The following GMPR variants were observed in gnomAD, a reference collection of about 807,000 sequenced individuals.
GMPR encodes guanosine monophosphate reductase.
In GMPR, 31 loss-of-function variants were observed where a neutral mutation model predicts 38.4. That is an observed-to-expected ratio of 0.81 (90% CI 0.61 to 1.09). The LOEUF is 1.09. Ranked by LOEUF, GMPR falls within the 50% of genes least tolerant of loss-of-function variation. The probability of loss-of-function intolerance (pLI) is 0.00; values close to 1 mark genes in which losing one functional copy is unlikely to be tolerated. For missense variants in GMPR, 468 were observed against 453.7 expected (o/e 1.03, Z -0.29); for synonymous variants, 162 against 173.3 (o/e 0.93, Z 0.51).
rs772088740 is a variant in GMPR, at chr6:16,290,633, A to ACC, written c.857+15_857+16dup. On this transcript the variant is annotated intron_variant, in intron 8 of 8. Coordinates refer to ENST00000259727, the MANE Select transcript of GMPR (RefSeq NM_006877.4). ...GTTGCTGAGTACAGGTGAGGAGGTG[A>ACC]CCCCGGGGCGCACCCTCGAGGCCTG... 2.2e-5 allele frequency: 35 copies of ACC among 1,608,718 alleles called. No individual in the cohort carries two copies. Among genetic ancestry groups the ACC allele is most frequent in the Admixed American group, 6.7e-5 (4 of 59,902 alleles).
chr6:16,255,944 A>G (rs533148414), intron 4 of GMPR, among the ~76,000 whole-genome samples: 72 of 152,262 alleles, frequency 4.7e-4, no homozygotes, highest in Admixed American at 1.4e-3. Flanking sequence ...AGCTGGGCGC[A>G]GTGGCTCACG....
intron 7 of GMPR, chr6:16,289,671 G>C (rs975972086): frequency 1.1e-5 from 1 of 95,210 alleles, no homozygotes; most frequent in Non-Finnish European, 1.8e-5. Context: ...TTCTTTCCTT[G>C]AAGCTGTCTA....
At chr6:16,282,239 CAG>C (rs1759586506) in intron 6 of GMPR, among the ~76,000 whole-genome samples, 1 of 152,322 alleles carries the variant, frequency 6.6e-6, no homozygotes, top group African/African-American at 2.4e-5. Context: ...ACATGGGCTT[CAG>C]AGAGGCAGAG....
intron 4 of GMPR, among the ~76,000 whole-genome samples, chr6:16,265,812 C>A (rs1338168527): frequency 2.0e-5 from 3 of 152,240 alleles, no homozygotes; most frequent in Non-Finnish European, 4.4e-5. Flanking sequence ...CACTCCGGAA[C>A]CCTTCCACGC....
chr6:16,261,576 A>T (rs975094379), intron 4 of GMPR, among the ~76,000 whole-genome samples: 1 of 152,018 alleles, frequency 6.6e-6, no homozygotes, highest in African/African-American at 2.4e-5. Context: ...AATTTGGTTG[A>T]TAAGGCGCAG....
chr6:16,241,359 C>T (rs1263770010), intron 1 of GMPR, among the ~76,000 whole-genome samples: 1 of 152,156 alleles, frequency 6.6e-6, no homozygotes. Flanking sequence ...AGTGATCTCC[C>T]CCTCAGAAGC....
intron 6 of GMPR, among the ~76,000 whole-genome samples, chr6:16,280,080 G>T (rs996029635): frequency 1.3e-5 from 2 of 152,166 alleles, no homozygotes; most frequent in Admixed American, 6.5e-5. Flanking sequence ...GCTGTGGCTG[G>T]CTCATGTGCT....
At chr6:16,244,065 G>A (rs75383272) in intron 1 of GMPR, among the ~76,000 whole-genome samples, 1,882 of 151,814 alleles carry the variant, frequency 0.012, 37 homozygotes, top group African/African-American at 0.041. Context: ...CCGCTACCAT[G>A]TTCTGGTGCC....
At chr6:16,255,771 T>C (rs994381128) in intron 4 of GMPR, among the ~76,000 whole-genome samples, 2 of 152,238 alleles carry the variant, frequency 1.3e-5, no homozygotes, top group African/African-American at 2.4e-5. Context: ...CCTTCCTTTT[T>C]TGAATTTTGA....
At chr6:16,289,228 G>A (rs1759772649) in intron 7 of GMPR, among the ~76,000 whole-genome samples, 1 of 152,124 alleles carries the variant, frequency 6.6e-6, no homozygotes, top group Non-Finnish European at 1.5e-5. Flanking sequence ...CCTCAGCCGC[G>A]CCACCTTATA....
chr6:16,289,063 G>A (rs536029684), intron 7 of GMPR, among the ~76,000 whole-genome samples: 3 of 152,164 alleles, frequency 2.0e-5, no homozygotes, highest in Non-Finnish European at 4.4e-5. Flanking sequence ...CCTTTTCTTT[G>A]GGAGGGTGAT....
chr6:16,285,967 C>T, intron 7 of GMPR, 132 bp downstream of exon 7: 2 of 779,178 alleles, frequency 2.6e-6, no homozygotes, highest in Non-Finnish European at 4.3e-6. Context: ...GTTCCTCTCC[C>T]TGGGTTTCAG....
chr6:16,277,593 C>T (rs1759496427), intron 5 of GMPR, among the ~76,000 whole-genome samples: 1 of 152,186 alleles, frequency 6.6e-6, no homozygotes, highest in African/African-American at 2.4e-5. Context: ...TTTATAGTGC[C>T]TTATTGTATA....
chr6:16,289,333 G>T (rs1251111517), intron 7 of GMPR, among the ~76,000 whole-genome samples: 1 of 152,232 alleles, frequency 6.6e-6, no homozygotes, highest in African/African-American at 2.4e-5. Flanking sequence ...CAGTTCCTTA[G>T]TTAATAGGCA....
At chr6:16,239,600 G>C (rs572348373) in intron 1 of GMPR, among the ~76,000 whole-genome samples, 30 of 152,242 alleles carry the variant, frequency 2.0e-4, no homozygotes, top group Non-Finnish European at 4.3e-4. Context: ...GAGCTGGAGA[G>C]GAAGGTGAGG....
intron 8 of GMPR, among the ~76,000 whole-genome samples, chr6:16,294,713 T>G (rs932485064): frequency 4.0e-5 from 6 of 151,822 alleles, no homozygotes; most frequent in Non-Finnish European, 8.8e-5. Context: ...CCAAGCAGGG[T>G]GTTATGGGTC....
rs1205020340 is a variant in GMPR at position 16,285,854 on chromosome 6, G to C, written c.697+19G>C. On this transcript the variant is annotated intron_variant, in intron 7 of 8. Transcript: ENST00000259727. ...GCCTTTGGTAAGGCCGGGCCCTGGT[G>C]CAGAGGGAGGGAAGGAAGGAAGGAG... 1.3e-6 allele frequency: 2 copies of C among 1,597,602 alleles called. No individual in the cohort carries two copies. The highest frequency in any genetic ancestry group is 1.7e-6 in the Non-Finnish European group (2 of 1,169,716).
intron 4 of GMPR, 72 bp downstream of exon 4, chr6:16,254,807 C>T (rs903371243): frequency 2.7e-5 from 29 of 1,080,562 alleles, no homozygotes; most frequent in African/African-American, 2.5e-4. Flanking sequence ...TTCAATGTGT[C>T]GGGGGAGCTG....
At chr6:16,290,920 T>C (rs1357701597) in intron 8 of GMPR, among the ~76,000 whole-genome samples, 1 of 152,216 alleles carries the variant, frequency 6.6e-6, no homozygotes, top group Non-Finnish European at 1.5e-5. Context: ...AATTATTGTC[T>C]TGTCCTTCCA....
Sources: gnomAD v4.1 joint callset for allele counts (sites outside exome capture counted in the v4.1 genomes callset) on GRCh38, gnomAD v4.1.1 for gene constraint, MANE v1.5 for transcripts, NCBI Gene and HGNC (gene_info 2026-07-23, HGNC 2026-07-21) for gene names.